Variants in SPOCK1 observed in about 807,000 individuals in gnomAD.
The protein encoded by SPOCK1 is SPARC (osteonectin), cwcv and kazal like domains proteoglycan 1, also known as testican-1.
A neutral mutation model predicts 55.3 loss-of-function variants in SPOCK1; 23 were observed. That is an observed-to-expected ratio of 0.42 (90% CI 0.30 to 0.59). SPOCK1 has a LOEUF of 0.59. SPOCK1 is among the 20% of genes least tolerant of loss of function. SPOCK1 has a pLI of 0.22. For missense variants in SPOCK1, 499 were observed against 552.5 expected (o/e 0.90, Z 0.97); for synonymous variants, 226 against 221.0 (o/e 1.02, Z -0.20).
At chr5:137,426,008 T>C (rs1752603165) in intron 2 of SPOCK1, among the ~76,000 whole-genome samples, 1 of 150,782 alleles carries the variant, frequency 6.6e-6, no homozygotes, top group African/African-American at 2.4e-5. Context: ...CACCAACTCA[T>C]TCTAGCTTAG....
chr5:137,267,638 A>C (rs1756885328), intron 2 of SPOCK1, among the ~76,000 whole-genome samples: 1 of 152,228 alleles, frequency 6.6e-6, no homozygotes, highest in Non-Finnish European at 1.5e-5. Flanking sequence ...GTCTCTTCAT[A>C]ACCATGTCTT....
chr5:137,333,967 T>C (rs1189806137), intron 2 of SPOCK1, among the ~76,000 whole-genome samples: 2 of 152,182 alleles, frequency 1.3e-5, no homozygotes, highest in Non-Finnish European at 2.9e-5. Flanking sequence ...AATGCATCAC[T>C]GTGAACATGA....
chr5:137,380,180 C>G (rs115414267), intron 2 of SPOCK1, among the ~76,000 whole-genome samples: 2,117 of 152,282 alleles, frequency 0.014, 44 homozygotes, highest in African/African-American at 0.048. Flanking sequence ...AAAGGACTCA[C>G]TAAGGGCACA....
intron 2 of SPOCK1, among the ~76,000 whole-genome samples, chr5:137,431,338 T>G (rs1270341023): frequency 6.6e-6 from 1 of 152,230 alleles, no homozygotes; most frequent in Admixed American, 6.5e-5. Flanking sequence ...ACCAGCTCAG[T>G]CACCCACTGG....
chr5:137,287,993 C>A (rs56880814), intron 2 of SPOCK1, among the ~76,000 whole-genome samples: 1 of 152,152 alleles, frequency 6.6e-6, no homozygotes, highest in Non-Finnish European at 1.5e-5. Flanking sequence ...TAAGAAAAGA[C>A]CCTCTGGTTA....
intron 2 of SPOCK1, among the ~76,000 whole-genome samples, chr5:137,275,793 A>C (rs952573003): frequency 5.3e-5 from 8 of 152,308 alleles, no homozygotes; most frequent in African/African-American, 1.9e-4. Flanking sequence ...TGCTGAGGCA[A>C]GAACCCAGGC....
rs1750627905 is a variant in SPOCK1, at chr5:136,976,907, C to T, written c.*1747G>A. 6.6e-6 allele frequency: 1 copy of T among 152,224 alleles called. No individual in the cohort carries two copies. Among genetic ancestry groups the T allele is most frequent in the Non-Finnish European group, 1.5e-5 (1 of 68,048 alleles). 9.4% of individuals were successfully genotyped at this position (152,224 alleles called of 1,614,324 possible). A position where few individuals can be genotyped will look rare whatever the true frequency, so the allele number is the denominator to read the frequency against. On this transcript the variant is annotated 3_prime_UTR_variant, in exon 11 of 11. Coordinates refer to ENST00000394945, the MANE Select transcript of SPOCK1 (RefSeq NM_004598.4). ...GCTAATTTAAGGTGAGTTGGTACAT[C>T]TAAATGGTCAATTTGGGATGGGGGA...
chr5:137,301,655 T>TTTTTTTTTTTTTTTTTTTTG, intron 2 of SPOCK1, among the ~76,000 whole-genome samples: 1 of 149,130 alleles, frequency 6.7e-6, no homozygotes, highest in Non-Finnish European at 1.5e-5. Context: ...TTTTTTTTTT[T>TTTTTTTTTTTTTTTTTTTTG]GAGTATGTTC....
intron 2 of SPOCK1, among the ~76,000 whole-genome samples, chr5:137,296,743 G>A (rs573223980): frequency 2.0e-5 from 3 of 152,296 alleles, no homozygotes; most frequent in Non-Finnish European, 2.9e-5. Flanking sequence ...AGAGAGACAG[G>A]TTAAAAGGTA....
chr5:137,465,229 CTACCAAATCAAACACACT>C (rs1753595751), intron 2 of SPOCK1, among the ~76,000 whole-genome samples: 1 of 152,118 alleles, frequency 6.6e-6, no homozygotes, highest in South Asian at 2.1e-4. Flanking sequence ...GTTGAAGAGA[CTACCAAATCAAACACACT>C]TACCAAATCA....
intron 2 of SPOCK1, among the ~76,000 whole-genome samples, chr5:137,330,631 A>G (rs1445263905): frequency 6.6e-6 from 1 of 152,208 alleles, no homozygotes; most frequent in East Asian, 1.9e-4. Flanking sequence ...ATATTGACAA[A>G]CTACTATGTG....
At chr5:137,337,098 C>G (rs1343050466) in intron 2 of SPOCK1, among the ~76,000 whole-genome samples, 1 of 152,194 alleles carries the variant, frequency 6.6e-6, no homozygotes, top group African/African-American at 2.4e-5. Context: ...TGAATTAACT[C>G]ATGGGTGTAT....
chr5:137,236,020 C>T (rs1295722192), intron 3 of SPOCK1, among the ~76,000 whole-genome samples: 1 of 152,260 alleles, frequency 6.6e-6, no homozygotes, highest in East Asian at 1.9e-4. Context: ...CCTGATCTGA[C>T]TGCGTCCCTC....
chr5:137,360,340 C>T (rs528074648), intron 2 of SPOCK1, among the ~76,000 whole-genome samples: 1 of 152,340 alleles, frequency 6.6e-6, no homozygotes, highest in South Asian at 2.1e-4. Flanking sequence ...ACAGTCTTGT[C>T]CACATTAATC....
chr5:137,260,310 G>A (rs1454076502), intron 3 of SPOCK1, among the ~76,000 whole-genome samples: 1 of 152,036 alleles, frequency 6.6e-6, no homozygotes. Context: ...CCATCAGTGG[G>A]GGAATAATTG....
chr5:137,332,253 T>G (rs1253383172), intron 2 of SPOCK1, among the ~76,000 whole-genome samples: 1 of 152,080 alleles, frequency 6.6e-6, no homozygotes, highest in African/African-American at 2.4e-5. Flanking sequence ...GCCCCTCCCT[T>G]TGACCTGAGC....
intron 9 of SPOCK1, among the ~76,000 whole-genome samples, chr5:136,981,513 GCTTTCATTTT>G (rs1166978706): frequency 2.0e-5 from 3 of 152,002 alleles, no homozygotes; most frequent in East Asian, 1.9e-4. Flanking sequence ...GGTACACCAT[GCTTTCATTTT>G]CTTTCATTTC....
chr5:137,128,466 A>G (rs1404843900), intron 4 of SPOCK1, among the ~76,000 whole-genome samples: 2 of 152,224 alleles, frequency 1.3e-5, no homozygotes, highest in Non-Finnish European at 2.9e-5. Context: ...GCTCAGATGA[A>G]AGACTAAATT....
At chr5:137,300,968 G>C (rs916851) in intron 2 of SPOCK1, among the ~76,000 whole-genome samples, 123,187 of 152,006 alleles carry the variant, frequency 0.81, 50,130 homozygotes, top group Admixed American at 0.86. Context: ...TTTCCTCAAA[G>C]AGAAGAGGCT....
Sources: gnomAD v4.1 joint callset for allele counts (sites outside exome capture counted in the v4.1 genomes callset) on GRCh38, gnomAD v4.1.1 for gene constraint, MANE v1.5 for transcripts, NCBI Gene and HGNC (gene_info 2026-07-23, HGNC 2026-07-21) for gene names.